NAMPT: variants seen among roughly 807,000 people sequenced by gnomAD.
NAMPT encodes nicotinamide phosphoribosyltransferase, also known as NAmPRTase.
In NAMPT, 7 loss-of-function variants were observed where a neutral mutation model predicts 58.7. The ratio of observed to expected loss-of-function variants is 0.12; its 90% CI spans 0.07 to 0.22. The LOEUF (loss-of-function observed/expected upper bound fraction) is 0.22. Among genes scored for constraint, NAMPT ranks in the 10% least tolerant of loss-of-function variants. The pLI is 1.00. For synonymous variants in NAMPT, 145 were observed against 198.1 expected, an observed-to-expected ratio of 0.73 and a Z score of 2.25; for missense variants, 271 against 567.9, an observed-to-expected ratio of 0.48 and a Z score of 5.31.
At chr7:106,278,280 G>C (rs1266061019) in intron 1 of NAMPT, among the ~76,000 whole-genome samples, 1 of 151,482 alleles carries the variant, frequency 6.6e-6, no homozygotes, top group East Asian at 1.9e-4. Context: ...TGATGATTCT[G>C]AATGAATGTG....
At chr7:106,285,395 G>C, upstream of NAMPT, 1 of 459,548 alleles carries the variant, frequency 2.2e-6, no homozygotes, top group Non-Finnish European at 2.9e-6. Context: ...GTGCCACGAG[G>C]AGCCGGTTCG....
At chr7:106,283,362 AC>A (rs1300102112) in intron 1 of NAMPT, among the ~76,000 whole-genome samples, 2 of 152,168 alleles carry the variant, frequency 1.3e-5, no homozygotes, top group Non-Finnish European at 2.9e-5. Context: ...GGTTAGAGGA[AC>A]TGCAAACTAA....
rs181597433 is a variant in NAMPT at position 106,259,266 on chromosome 7, C to T, written c.1089+2322G>A. Among the ~76,000 whole-genome samples the T allele has an allele frequency of 2.4e-3, 358 of 152,334 alleles. 3 individuals are homozygous for T. The highest frequency in any genetic ancestry group is 8.2e-3 in the African/African-American group (339 of 41,592). ...ACCACATTTGTAGTTACTTCCTCCA[C>T]TGAAGTCTTGAAGTCAAATCAAGAC... On this transcript the variant is annotated intron_variant, in intron 8 of 10. Transcript: ENST00000222553.
intron 6 of NAMPT, among the ~76,000 whole-genome samples, chr7:106,267,365 T>C (rs1201192097): frequency 6.6e-6 from 1 of 152,190 alleles, no homozygotes; most frequent in Non-Finnish European, 1.5e-5. Flanking sequence ...GCCTTGCATA[T>C]GAACACCAGT....
At chr7:106,268,237 T>C in intron 6 of NAMPT, 1 of 356,872 alleles carries the variant, frequency 2.8e-6, no homozygotes, top group African/African-American at 2.1e-5. Context: ...TATGGCAATA[T>C]AAGTATTGGA....
At chr7:106,273,829 T>C (rs1184995198) in intron 3 of NAMPT, among the ~76,000 whole-genome samples, 5 of 152,070 alleles carry the variant, frequency 3.3e-5, no homozygotes, top group African/African-American at 1.2e-4. Flanking sequence ...TACCTGACTT[T>C]TTCAAGACCC....
At chr7:106,254,708 A>G (rs1406898652) in intron 8 of NAMPT, among the ~76,000 whole-genome samples, 1 of 152,198 alleles carries the variant, frequency 6.6e-6, no homozygotes, top group Non-Finnish European at 1.5e-5. Flanking sequence ...GATTTCATGC[A>G]TAGTTCCTGA....
At chr7:106,263,118 G>T in intron 7 of NAMPT, 1 of 416,520 alleles carries the variant, frequency 2.4e-6, no homozygotes, top group Non-Finnish European at 4.3e-6. Context: ...TAATTAAAAT[G>T]GCAATGCTGT....
intron 1 of NAMPT, 26 bp from the exon 2 acceptor site, chr7:106,277,205 AG>A (rs1792663692): frequency 1.3e-6 from 2 of 1,580,748 alleles, no homozygotes; most frequent in East Asian, 4.5e-5. Context: ...CACTTCTGTT[AG>A]AAAACACCGA....
chr7:106,258,467 A>G (rs1418285961), intron 8 of NAMPT, among the ~76,000 whole-genome samples: 1 of 152,184 alleles, frequency 6.6e-6, no homozygotes, highest in Non-Finnish European at 1.5e-5. Context: ...AATGGCCTAC[A>G]TTATGTTAGT....
At chr7:106,272,197 G>A (rs999282108) in intron 4 of NAMPT, 9 of 283,726 alleles carry the variant, frequency 3.2e-5, no homozygotes, top group African/African-American at 4.7e-5. Flanking sequence ...ATCGAATGTC[G>A]TAAGTTACTA....
intron 3 of NAMPT, 67 bp from the exon 4 acceptor site, chr7:106,272,725 AAGGTTCTTTACGTTTTAT>A: frequency 6.4e-7 from 1 of 1,563,836 alleles, no homozygotes; most frequent in Non-Finnish European, 8.8e-7. Context: ...TGTTTTACTA[AAGGTTCTTTACGTTTTAT>A]AGAAGCTAAA....
chr7:106,263,503 C>A lies in NAMPT; in HGVS notation c.858G>T (p.Ala286=), dbSNP rs61747509. 5.0e-6 allele frequency: 8 copies of A among 1,608,728 alleles called. No homozygotes were observed. The highest frequency in any genetic ancestry group is 2.2e-5 in the East Asian group (1 of 44,834). The change falls in exon 7 of 11, where the codon GCG becomes GCT. Residue 286 remains alanine, a synonymous_variant. Transcript: ENST00000222553. ...VVSDSYDIYN[A]CEKIWGEDLR... is the part of the protein sequence containing the mutation. Reference sequence around the variant, plus strand: ...GATCTTCACCCCATATTTTCTCACACGCATTATAAATGTCATAGCTATCGC... The same window carrying A: ...GATCTTCACCCCATATTTTCTCACAAGCATTATAAATGTCATAGCTATCGC...
At chr7:106,267,874 A>C (rs948483488) in intron 6 of NAMPT, among the ~76,000 whole-genome samples, 50 of 135,242 alleles carry the variant, frequency 3.7e-4, no homozygotes, top group African/African-American at 1.3e-3. Flanking sequence ...AAAAAAAAAA[A>C]AACAACCTGA....
intron 5 of NAMPT, among the ~76,000 whole-genome samples, chr7:106,268,813 A>G (rs1437524181): frequency 1.3e-5 from 2 of 152,156 alleles, no homozygotes; most frequent in South Asian, 2.1e-4. Context: ...TATCTCCTCA[A>G]AGAGACCTAT....
At chr7:106,263,102 T>C (rs1221390940) in intron 7 of NAMPT, 5 of 372,794 alleles carry the variant, frequency 1.3e-5, no homozygotes, top group Non-Finnish European at 1.9e-5. Context: ...GCCCAAATCA[T>C]AGGATTAATT....
chr7:106,269,384 T>G, intron 4 of NAMPT, 72 bp from the exon 5 acceptor site: 1 of 1,062,124 alleles, frequency 9.4e-7, no homozygotes, highest in Middle Eastern at 2.3e-4. Context: ...AATCCTAGCT[T>G]TTTTTTTTTT....
In NAMPT at chr7:106,250,546, A is replaced by G. The variant is rs1396127256; in HGVS notation, c.*537T>C. On this transcript the variant is annotated 3_prime_UTR_variant, in exon 11 of 11. Coordinates refer to ENST00000222553, the MANE Select transcript of NAMPT (RefSeq NM_005746.3). ...AATTTTCAAATTGTACAATAACACA[A>G]ACAACTTTGTTAAGGCCATGTTTTA... 2 of 154,410 alleles carry G rather than the reference A, an allele frequency of 1.3e-5. No homozygotes were observed. Among genetic ancestry groups the G allele is most frequent in the Non-Finnish European group, 2.9e-5 (2 of 69,218 alleles). 9.6% of individuals were successfully genotyped at this position (154,410 alleles called of 1,614,324 possible). A position where few individuals can be genotyped will look rare whatever the true frequency, so the allele number is the denominator to read the frequency against.
chr7:106,253,266 TA>T lies in NAMPT; in HGVS notation c.1231-116del, dbSNP rs1415807166. Reference sequence around the variant, plus strand: ...TTACATTTAAGTTTTAAGCACTTAATAGGTATAACTGAACCAATCCACATCT... The same window carrying T: ...TTACATTTAAGTTTTAAGCACTTAATGGTATAACTGAACCAATCCACATCT... On this transcript the variant is annotated intron_variant, in intron 9 of 10. Coordinates refer to ENST00000222553, the MANE Select transcript of NAMPT (RefSeq NM_005746.3). 1.0e-4 allele frequency: 111 copies of T among 1,079,474 alleles called. No individual in the cohort carries two copies. In the African/African-American group the frequency reaches 1.6e-3, roughly 16 times the overall value. The allele number at this position is 1,079,474 out of a possible 1,614,324, so 66.9% of individuals were successfully genotyped here.
Sources: allele counts gnomAD v4.1 joint callset (sites outside exome capture counted in the v4.1 genomes callset), GRCh38; gene constraint gnomAD v4.1.1; transcripts MANE v1.5; gene names NCBI Gene and HGNC (gene_info 2026-07-23, HGNC 2026-07-21).